Variants in FAM118A observed in about 807,000 individuals in gnomAD.
FAM118A encodes the protein SIR2 antiphage like 2.
In FAM118A, 25 loss-of-function variants were observed where a neutral mutation model predicts 38.2. That is an observed-to-expected ratio of 0.65 (90% CI 0.48 to 0.91). FAM118A has a LOEUF of 0.91. Ranked by LOEUF, FAM118A falls within the 40% of genes least tolerant of loss-of-function variation. The pLI, the probability that FAM118A is intolerant of heterozygous loss-of-function variation, is 0.00. For synonymous variants in FAM118A, 178 were observed against 184.1 expected (o/e 0.97, Z 0.27); for missense variants, 425 against 463.3 (o/e 0.92, Z 0.76).
chr22:45,340,340 T>G (rs1359454731), intron 8 of FAM118A, 46 bp from the exon 9 acceptor site: 1 of 1,611,904 alleles, frequency 6.2e-7, no homozygotes, highest in Non-Finnish European at 8.5e-7. Flanking sequence ...TAACTTCTTT[T>G]AGCTGGACTT....
intron 3 of FAM118A, among the ~76,000 whole-genome samples, chr22:45,325,871 A>G (rs1347687353): frequency 6.6e-6 from 1 of 152,142 alleles, no homozygotes; most frequent in African/African-American, 2.4e-5. Flanking sequence ...GAAGGGTCTC[A>G]GGGATGCATA....
intron 3 of FAM118A, among the ~76,000 whole-genome samples, chr22:45,326,246 C>T (rs2085258953): frequency 6.6e-6 from 1 of 152,006 alleles, no homozygotes; most frequent in South Asian, 2.1e-4. Flanking sequence ...GTCACCAGCC[C>T]TTCCTTTTTC....
intron 3 of FAM118A, among the ~76,000 whole-genome samples, chr22:45,325,167 C>T (rs965017997): frequency 2.0e-5 from 3 of 152,108 alleles, no homozygotes; most frequent in African/African-American, 7.2e-5. Flanking sequence ...CACTGAGGGC[C>T]CTTGTTGTCC....
intron 1 of FAM118A, among the ~76,000 whole-genome samples, chr22:45,313,319 G>GT (rs11322212): frequency 0.024 from 2,670 of 112,670 alleles, 65 homozygotes; most frequent in East Asian, 0.073. Context: ...TGTCGTGAGG[G>GT]TTTTTTTTTT....
intron 6 of FAM118A, chr22:45,335,048 CGA>C: frequency 2.4e-6 from 1 of 412,276 alleles, no homozygotes; most frequent in South Asian, 5.8e-5. Flanking sequence ...CATTTGTACT[CGA>C]ATTCATGGAG....
Position 45,335,380 on chromosome 22 carries a change from T to C in FAM118A, c.968T>C (p.Leu323Ser). 6.2e-7 allele frequency: 1 copy of C among 1,614,220 alleles called. No individual in the cohort carries two copies. Among genetic ancestry groups the C allele is most frequent in the Non-Finnish European group, 8.5e-7 (1 of 1,180,030 alleles). ...GATCGCGTGGACAGCACCACATTAT[T>C]GGGTAAAGCAGATCTTTCTTCTTGC... is the stretch of plus-strand genomic sequence containing the variant. ...DADRVDSTTL[L>S]GNACQDCAKR... Residue 323 changes from leucine to serine, a missense_variant and splice_region_variant, in exon 7 of 9, where the codon TTG becomes TCG. By Grantham distance (145) the Leu-to-Ser change is moderately radical (BLOSUM62 -2). Transcript: ENST00000441876.
At chr22:45,333,819 G>A (rs868611977) in intron 6 of FAM118A, among the ~76,000 whole-genome samples, 9 of 152,104 alleles carry the variant, frequency 5.9e-5, no homozygotes, top group Middle Eastern at 3.2e-3. Context: ...CAGTCTGGAC[G>A]TCGGAGGAAG....
chr22:45,322,985 GAAAT>G (rs1353842991), intron 2 of FAM118A, among the ~76,000 whole-genome samples, 186 bp from the exon 3 acceptor site: 1 of 151,930 alleles, frequency 6.6e-6, no homozygotes, highest in Non-Finnish European at 1.5e-5. Flanking sequence ...TAGAACATGT[GAAAT>G]AAATACGCAA....
At position 45,327,846 on chromosome 22, in the gene FAM118A, C is replaced by T; in HGVS notation, c.305C>T (p.Thr102Ile). Reference sequence around the variant, plus strand: ...TGTCGTTCCACCTTTTTGTAGCGCACAGGCGATGCCAAGCCCAGCTTCTTC... The same window carrying T: ...TGTCGTTCCACCTTTTTGTAGCGCATAGGCGATGCCAAGCCCAGCTTCTTC... ...HDLIRKMSPR[T>I]GDAKPSFFQD... The change falls in exon 4 of 9, where the codon ACA becomes ATA. Residue 102 changes from threonine (T) to isoleucine (I), a missense_variant. Transcript: ENST00000441876. 1 of 1,614,238 alleles carries T rather than the reference C, an allele frequency of 6.2e-7. No individual in the cohort carries two copies. The highest frequency in any genetic ancestry group is 8.5e-7 in the Non-Finnish European group (1 of 1,180,044).
At chr22:45,310,523 G>A (rs890024484) in intron 1 of FAM118A, among the ~76,000 whole-genome samples, 3 of 152,142 alleles carry the variant, frequency 2.0e-5, no homozygotes, top group Non-Finnish European at 4.4e-5. Context: ...CCTGTGGGGA[G>A]CCGTGGTTCC....
chr22:45,327,946 C>T lies in FAM118A; in HGVS notation c.405C>T (p.Leu135=), dbSNP rs775324935. ...GTCCTGTGGTGCTGCAGTCGATCCT[C>T]AGCCTGATGGACAGGGGCGCCATGG... ...IRSPVVLQSI[L]SLMDRGAMVL... is the part of the protein sequence containing the mutation. The change falls in exon 4 of 9, where the codon CTC becomes CTT. Residue 135 remains leucine, a synonymous_variant. Transcript: ENST00000441876. The T allele has an allele frequency of 6.2e-7, 1 of 1,614,086 alleles. No individual in the cohort carries two copies. The highest frequency in any genetic ancestry group is 8.5e-7 in the Non-Finnish European group (1 of 1,180,038).
chr22:45,340,317 A>C, intron 8 of FAM118A, 69 bp from the exon 9 acceptor site: 1 of 1,570,858 alleles, frequency 6.4e-7, no homozygotes, highest in Non-Finnish European at 8.8e-7. Context: ...CTGAAATAGA[A>C]ATCTATTGCA....
intron 8 of FAM118A, among the ~76,000 whole-genome samples, chr22:45,340,037 T>C (rs2086376260): frequency 2.0e-5 from 3 of 152,230 alleles, no homozygotes; most frequent in Non-Finnish European, 4.4e-5. Flanking sequence ...CCCAGAGGAA[T>C]CGACAGGCTT....
In FAM118A at chr22:45,330,645, C is replaced by T; in HGVS notation, c.565C>T (p.His189Tyr). ...AGGGCACATGAAGTACGGCGTCCTC[C>T]ACATTCACGGCCTCTACACGGACCC... Reference protein sequence around the residue: ...ARGHMKYGVLHIHGLYTDPCG... With the variant: ...ARGHMKYGVLYIHGLYTDPCG... The change falls in exon 5 of 9, where the codon CAC (histidine) becomes TAC (tyrosine). Residue 189 changes from histidine (H) to tyrosine (Y), a missense_variant. By Grantham distance (83) the His-to-Tyr change is moderately conservative. Transcript: ENST00000441876. The T allele has an allele frequency of 6.3e-7, 1 of 1,592,734 alleles. No homozygotes were observed.
intron 1 of FAM118A, among the ~76,000 whole-genome samples, chr22:45,321,087 A>G (rs991708644): frequency 6.6e-6 from 1 of 152,208 alleles, no homozygotes; most frequent in Non-Finnish European, 1.5e-5. Context: ...TAGGATATGC[A>G]CTGTGTTCTC....
intron 5 of FAM118A, among the ~76,000 whole-genome samples, chr22:45,331,781 G>T (rs547572902): frequency 4.1e-4 from 63 of 152,122 alleles, no homozygotes; most frequent in Non-Finnish European, 8.1e-4. Context: ...CTGAGACTGA[G>T]CCTCTCTGAG....
chr22:45,326,531 TA>T (rs972328257), intron 3 of FAM118A, among the ~76,000 whole-genome samples: 2 of 151,372 alleles, frequency 1.3e-5, no homozygotes, highest in African/African-American at 2.4e-5. Context: ...CTACAAAAAA[TA>T]AAAAAAAATT....
intron 7 of FAM118A, 65 bp from the exon 8 acceptor site, chr22:45,336,263 A>G (rs2146715441): frequency 7.4e-7 from 1 of 1,353,034 alleles, no homozygotes; most frequent in Non-Finnish European, 1.0e-6. Context: ...AGGTCACATT[A>G]TGAACTGTGC....
At chr22:45,335,268 TC>T in intron 6 of FAM118A, 81 bp from the exon 7 acceptor site, 2 of 1,536,938 alleles carry the variant, frequency 1.3e-6, no homozygotes, top group Non-Finnish European at 1.8e-6. Context: ...TCCCTGCCGT[TC>T]CCAGTCACTG....
Sources: allele counts gnomAD v4.1 joint callset (sites outside exome capture counted in the v4.1 genomes callset), GRCh38; gene constraint gnomAD v4.1.1; transcripts MANE v1.5; gene names NCBI Gene and HGNC (gene_info 2026-07-23, HGNC 2026-07-21).